ERGIC1: variants seen among roughly 807,000 people sequenced by gnomAD.
ERGIC1 encodes the protein endoplasmic reticulum-Golgi intermediate compartment protein 1.
ERGIC1 carries 19 observed loss-of-function variants against 38.3 expected under a neutral mutation model. The observed-to-expected ratio is 0.50, with a 90% CI of 0.35 to 0.73. The LOEUF (loss-of-function observed/expected upper bound fraction) is 0.73, where lower values mean the gene tolerates loss of function less well. Ranked by LOEUF, ERGIC1 falls within the 30% of genes least tolerant of loss-of-function variation. ERGIC1 has a pLI of 0.01. For synonymous variants in ERGIC1, 124 were observed against 157.6 expected (o/e 0.79, Z 1.60); for missense variants, 294 against 389.2 (o/e 0.76, Z 2.06).
In ERGIC1 at chr5:172,938,086, G is replaced by A. The variant is rs1763925664; in HGVS notation, c.765+2776G>A. On this transcript the variant is annotated intron_variant, in intron 9 of 9. Coordinates refer to ENST00000393784, the MANE Select transcript of ERGIC1 (RefSeq NM_001031711.3). The stretch of plus-strand genomic sequence containing the variant: ...GGGAACCCACATGTGCTATTGGTGT[G>A]CAGGGACATGGGTACAGCTACCCTG... 2.6e-5 allele frequency: 4 copies of A among 152,326 alleles called. No individual in the cohort carries two copies. The Middle Eastern group carries it at 0.01, about 386-fold the overall frequency. 9.4% of individuals were successfully genotyped at this position (152,326 alleles called of 1,614,324 possible).
At chr5:172,902,297 G>T (rs192994211) in intron 3 of ERGIC1, among the ~76,000 whole-genome samples, 1 of 152,182 alleles carries the variant, frequency 6.6e-6, no homozygotes, top group African/African-American at 2.4e-5. Flanking sequence ...TAGGAGGCCC[G>T]GAGTGGGGAG....
Position 172,945,384 on chromosome 5 carries a change from C to T in ERGIC1, c.766-5325C>T, listed in dbSNP as rs115274385. Among the ~76,000 whole-genome samples, 578 of 152,352 alleles carry T rather than the reference C, an allele frequency of 3.8e-3. 8 individuals carry two copies. The highest frequency in any genetic ancestry group is 0.013 in the African/African-American group (543 of 41,582). On this transcript the variant is annotated intron_variant, in intron 9 of 9. Coordinates refer to ENST00000393784, the MANE Select transcript of ERGIC1 (RefSeq NM_001031711.3). Reference sequence around the variant, plus strand: ...GGCCACAAAGAATCTGCCTGCGGTGCTGGGACACTCTTGCGGTCCTGTTCC... The same window carrying T: ...GGCCACAAAGAATCTGCCTGCGGTGTTGGGACACTCTTGCGGTCCTGTTCC...
At chr5:172,836,167 G>C (rs1052108248) in intron 1 of ERGIC1, among the ~76,000 whole-genome samples, 3 of 152,144 alleles carry the variant, frequency 2.0e-5, no homozygotes, top group Non-Finnish European at 4.4e-5. Context: ...GGACTTTATG[G>C]GTGCTAAATG....
intron 1 of ERGIC1, among the ~76,000 whole-genome samples, chr5:172,863,767 G>C (rs549738568): frequency 6.6e-6 from 1 of 152,262 alleles, no homozygotes; most frequent in South Asian, 2.1e-4. Flanking sequence ...CCGAGAGCAG[G>C]GCTTTGTCAC....
Position 172,834,410 on chromosome 5 carries a change from C to T in ERGIC1, c.-4C>T, listed in dbSNP as rs1760976649. The stretch of plus-strand genomic sequence containing the variant: ...GCAGCGCTCCCACCCCCGGCGGCGG[C>T]ACGATGCCCTTTGACTTCAGGAGGT... On this transcript the variant is annotated 5_prime_UTR_variant, in exon 1 of 10. Transcript: ENST00000393784. This position sits in a 1 kb window ranked among gnomAD's most constrained non-coding sequence, Gnocchi z 4.1. 1.2e-5 allele frequency: 16 copies of T among 1,334,598 alleles called. No individual in the cohort carries two copies. Among genetic ancestry groups the T allele is most frequent in the Non-Finnish European group, 1.5e-5 (16 of 1,038,202 alleles). 82.7% of individuals were successfully genotyped at this position (1,334,598 alleles called of 1,614,324 possible). A position where few individuals can be genotyped will look rare whatever the true frequency, so the allele number is the denominator to read the frequency against.
At chr5:172,849,243 C>G (rs957278144) in intron 1 of ERGIC1, among the ~76,000 whole-genome samples, 1 of 152,166 alleles carries the variant, frequency 6.6e-6, no homozygotes. Flanking sequence ...ATCTTAGTTG[C>G]TTGTTTTTGA....
chr5:172,860,841 A>G (rs752177248), intron 1 of ERGIC1, among the ~76,000 whole-genome samples: 1 of 152,184 alleles, frequency 6.6e-6, no homozygotes, highest in Non-Finnish European at 1.5e-5. Flanking sequence ...AACATATTCC[A>G]TAGCCAGAGT....
rs1432945862 is a variant in ERGIC1, at chr5:172,952,205, A to G, written c.*1389A>G. The G allele has an allele frequency of 1.3e-5, 2 of 152,222 alleles. No individual in the cohort carries two copies. Among genetic ancestry groups the G allele is most frequent in the African/African-American group, 4.8e-5 (2 of 41,464 alleles). 9.4% of individuals were successfully genotyped at this position (152,222 alleles called of 1,614,324 possible). ...ACTTTTGTAATGAAGGGGAGTGTCC[A>G]GTGGAAGGATTTTTAAAATTATCTT... On this transcript the variant is annotated 3_prime_UTR_variant, in exon 10 of 10. Coordinates refer to ENST00000393784, the MANE Select transcript of ERGIC1 (RefSeq NM_001031711.3).
At chr5:172,885,825 C>A (rs1762404524) in intron 1 of ERGIC1, among the ~76,000 whole-genome samples, 1 of 152,222 alleles carries the variant, frequency 6.6e-6, no homozygotes, top group Non-Finnish European at 1.5e-5. Flanking sequence ...GGCCTCTCCG[C>A]TCAAATGGTC....
intron 3 of ERGIC1, chr5:172,905,522 G>A (rs1374950683): frequency 2.2e-6 from 1 of 448,284 alleles, no homozygotes; most frequent in Admixed American, 2.4e-5. Context: ...GAAGAGAACT[G>A]TGGAACCCAG....
chr5:172,942,470 C>T lies in ERGIC1; in HGVS notation c.765+7160C>T, dbSNP rs1764032849. On this transcript the variant is annotated intron_variant, in intron 9 of 9. Coordinates refer to ENST00000393784, the MANE Select transcript of ERGIC1 (RefSeq NM_001031711.3). ...GTTTAGTCATCTCTGGTCTCCAGAT[C>T]CAGTGCATCAATGTGGGTAATAAAT... Among the ~76,000 whole-genome samples the T allele has an allele frequency of 2.6e-5, 4 of 152,220 alleles. No individual in the cohort carries two copies. The South Asian group carries it at 8.3e-4, about 32-fold the overall frequency.
At chr5:172,940,067 G>A (rs1322466502) in intron 9 of ERGIC1, among the ~76,000 whole-genome samples, 1 of 152,178 alleles carries the variant, frequency 6.6e-6, no homozygotes, top group African/African-American at 2.4e-5. Context: ...GGCTTAGGTC[G>A]GGATGTCGTC....
intron 1 of ERGIC1, among the ~76,000 whole-genome samples, chr5:172,848,641 T>A (rs1029719502): frequency 1.3e-5 from 2 of 152,190 alleles, no homozygotes; most frequent in Non-Finnish European, 2.9e-5. Flanking sequence ...TATCTATGTG[T>A]TCATCACTGG....
intron 4 of ERGIC1, among the ~76,000 whole-genome samples, chr5:172,911,296 T>G (rs1408462403): frequency 6.6e-6 from 1 of 151,992 alleles, no homozygotes; most frequent in Non-Finnish European, 1.5e-5. Flanking sequence ...TTTTTTGTTA[T>G]TTTTTTTCTT....
At chr5:172,887,409 G>C (rs1208829049) in intron 1 of ERGIC1, among the ~76,000 whole-genome samples, 3 of 152,352 alleles carry the variant, frequency 2.0e-5, no homozygotes, top group Non-Finnish European at 2.9e-5. Flanking sequence ...CGAGCTCTCT[G>C]CGTCACATCC....
At position 172,893,527 on chromosome 5, in the gene ERGIC1, T is replaced by C. The variant is rs1156271195; in HGVS notation, c.83-3475T>C. ...CTTGGGGGAGGAGGGTGTAAAAGATTCTGAAATGTGGGTCCTATATGATCC... is the reference window on the plus strand; with the variant it reads ...CTTGGGGGAGGAGGGTGTAAAAGATCCTGAAATGTGGGTCCTATATGATCC... On this transcript the variant is annotated intron_variant, in intron 2 of 9. Coordinates refer to ENST00000393784, the MANE Select transcript of ERGIC1 (RefSeq NM_001031711.3). Among the ~76,000 whole-genome samples, 3 of 151,996 alleles carry C rather than the reference T, an allele frequency of 2.0e-5. No individual in the cohort carries two copies. The East Asian group carries it at 5.8e-4, about 29-fold the overall frequency.
intron 9 of ERGIC1, chr5:172,936,370 A>G (rs934943765): frequency 6.6e-6 from 1 of 152,284 alleles, no homozygotes; most frequent in African/African-American, 2.4e-5. Flanking sequence ...CAGAGCTCTC[A>G]CTGGCCCAGC....
chr5:172,848,354 CA>C (rs1761329124), intron 1 of ERGIC1, among the ~76,000 whole-genome samples: 1 of 152,090 alleles, frequency 6.6e-6, no homozygotes, highest in Admixed American at 6.6e-5. Context: ...AGAAGGAAGG[CA>C]AAGTAGATGG....
At chr5:172,839,054 A>G (rs1398316144) in intron 1 of ERGIC1, among the ~76,000 whole-genome samples, 1 of 151,662 alleles carries the variant, frequency 6.6e-6, no homozygotes, top group Non-Finnish European at 1.5e-5. Flanking sequence ...CAGCCTGGCC[A>G]ACATGGTGAA....
Sources: allele counts gnomAD v4.1 joint callset (sites outside exome capture counted in the v4.1 genomes callset), GRCh38; gene constraint gnomAD v4.1.1; non-coding constraint Gnocchi (gnomAD v3.1); transcripts MANE v1.5; gene names NCBI Gene and HGNC (gene_info 2026-07-23, HGNC 2026-07-21).